Variants in ATP13A5 observed in about 807,000 individuals in gnomAD.
ATP13A5 encodes ATPase 13A5.
In ATP13A5, 149 loss-of-function variants were observed where a neutral mutation model predicts 150.2. That is an observed-to-expected ratio of 0.99 (90% CI 0.87 to 1.14). ATP13A5 has a LOEUF of 1.14. ATP13A5 is among the 50% of genes most tolerant of loss of function. The pLI, the probability that ATP13A5 is intolerant of heterozygous loss-of-function variation, is 0.00. For missense variants in ATP13A5, 1,383 were observed against 1,449.3 expected (o/e 0.95, Z 0.74); for synonymous variants, 497 against 522.2 (o/e 0.95, Z 0.66).
At position 193,321,690 on chromosome 3, in the gene ATP13A5, A is replaced by T. The variant is rs942574166; in HGVS notation, c.1906T>A (p.Ser636Thr). 2 of 1,614,130 alleles carry T rather than the reference A, an allele frequency of 1.2e-6. No individual in the cohort carries two copies. The highest frequency in any genetic ancestry group is 1.3e-5 in the African/African-American group (1 of 75,052). ...AGAAAAGTGTTAGTACCTGTTTCAG[A>T]TCTGCAGAACCTGGCCACCATTTCT... Reference protein sequence around the residue: ...APEMVARFCRSETVPKNFPQE... With the variant: ...APEMVARFCRTETVPKNFPQE... The change falls in exon 16 of 30, where the codon TCT becomes ACT. Residue 636 changes from serine to threonine, a missense_variant. Around this residue, in one of 3 missense-constraint regions of ATP13A5, gnomAD observed 787 missense variants for 771.9 expected, o/e 1.02. Coordinates refer to ENST00000342358, the MANE Select transcript of ATP13A5 (RefSeq NM_198505.4).
At chr3:193,299,260 T>C in intron 24 of ATP13A5, 57 bp from the exon 25 acceptor site, 1 of 1,383,492 alleles carries the variant, frequency 7.2e-7, no homozygotes, top group South Asian at 1.2e-5. Flanking sequence ...AGCCTATTTA[T>C]TATTCCCTAC....
At chr3:193,333,976 A>G (rs1711747328) in intron 10 of ATP13A5, 69 bp from the exon 11 acceptor site, 8 of 1,475,482 alleles carry the variant, frequency 5.4e-6, no homozygotes, top group Non-Finnish European at 7.4e-6. Flanking sequence ...AAATGGCTTT[A>G]CTGTCTTTGA....
In ATP13A5 at chr3:193,344,069, A is replaced by G; in HGVS notation, c.815-14T>C. ...GCTCCTCCAAACCTACACCAAAGCAAAGTTTCCATGAATAGCTGACCTTTT... is the reference window on the plus strand; with the variant it reads ...GCTCCTCCAAACCTACACCAAAGCAGAGTTTCCATGAATAGCTGACCTTTT... On this transcript the variant is annotated splice_polypyrimidine_tract_variant and intron_variant, in intron 8 of 29. Transcript: ENST00000342358. 2 of 1,610,136 alleles carry G rather than the reference A, an allele frequency of 1.2e-6. No individual in the cohort carries two copies. The highest frequency in any genetic ancestry group is 1.7e-6 in the Non-Finnish European group (2 of 1,178,286).
intron 1 of ATP13A5, among the ~76,000 whole-genome samples, chr3:193,372,008 T>A (rs1188950880): frequency 6.6e-6 from 1 of 151,690 alleles, no homozygotes; most frequent in African/African-American, 2.4e-5. Context: ...CCACAGATGA[T>A]TAGGAAGTTC....
At chr3:193,352,707 T>A (rs561991064) in intron 6 of ATP13A5, among the ~76,000 whole-genome samples, 37 of 152,186 alleles carry the variant, frequency 2.4e-4, no homozygotes, top group Non-Finnish European at 4.3e-4. Flanking sequence ...CCACCCAATT[T>A]TGCTATGAAC....
rs373260224 is a variant in ATP13A5 at position 193,351,162 on chromosome 3, T to G, written c.646A>C (p.Thr216Pro). ...ATGTAACCTTGAGACAGCCACAAAG[T>G]TAGGGTGAAGGCTTGGAACACATAG... Reference protein sequence around the residue: ...PFYVFQAFTLTLWLSQGYIEY... With the variant: ...PFYVFQAFTLPLWLSQGYIEY... The change falls in exon 7 of 30, where the codon ACT becomes CCT. Residue 216 changes from threonine to proline, a missense_variant. Thr to Pro is a conservative substitution (Grantham distance 38). Around this residue, in one of 3 missense-constraint regions of ATP13A5, gnomAD observed 787 missense variants for 771.9 expected, o/e 1.02. Transcript: ENST00000342358. The G allele has an allele frequency of 3.5e-5, 56 of 1,613,610 alleles. No individual in the cohort carries two copies. The highest frequency in any genetic ancestry group is 4.6e-5 in the Non-Finnish European group (54 of 1,179,756).
chr3:193,338,284 T>G (rs1049039821), intron 9 of ATP13A5, among the ~76,000 whole-genome samples: 2 of 152,172 alleles, frequency 1.3e-5, no homozygotes, highest in African/African-American at 4.8e-5. Flanking sequence ...ATAGGAGTGG[T>G]GAGAGAGGGC....
intron 22 of ATP13A5, chr3:193,307,045 A>G: frequency 1.1e-6 from 1 of 906,396 alleles, no homozygotes; most frequent in South Asian, 5.0e-5. Flanking sequence ...TTTAAAGCAG[A>G]TAGACTTGTA....
chr3:193,280,793 G>A (rs1717455155), intron 27 of ATP13A5, among the ~76,000 whole-genome samples: 1 of 152,132 alleles, frequency 6.6e-6, no homozygotes, highest in Admixed American at 6.5e-5. Flanking sequence ...TGATACAAAT[G>A]ATTCTGACAA....
chr3:193,360,389 C>T (rs573288055), intron 5 of ATP13A5, among the ~76,000 whole-genome samples: 14 of 152,262 alleles, frequency 9.2e-5, no homozygotes, highest in South Asian at 8.3e-4. Context: ...TGTGTATCCC[C>T]GTTCATTTCT....
At position 193,315,078 on chromosome 3, in the gene ATP13A5, C is replaced by T. The variant is rs754866642; in HGVS notation, c.2052G>A (p.Glu684=). Residue 684 remains glutamate, a synonymous_variant, in exon 18 of 30, where the codon GAG becomes GAA. Transcript: ENST00000342358. Reference sequence around the variant, plus strand: ...TGATGAGAAGTCCCAGAAATGTTAACTCTGACTCCACTTTTTCTCTTTGTA... The same window carrying T: ...TGATGAGAAGTCCCAGAAATGTTAATTCTGACTCCACTTTTTCTCTTTGTA... ...EHLAREKVES[E]LTFLGLLIME... is the part of the protein sequence containing the mutation. 15 of 1,613,236 alleles carry T rather than the reference C, an allele frequency of 9.3e-6. No individual in the cohort carries two copies. In the East Asian group the frequency reaches 1.3e-4, roughly 14 times the overall value.
At chr3:193,287,006 C>T (rs1010450387) in intron 26 of ATP13A5, among the ~76,000 whole-genome samples, 1 of 152,104 alleles carries the variant, frequency 6.6e-6, no homozygotes, top group African/African-American at 2.4e-5. Context: ...GGTAGTGGAT[C>T]AAACCAGTCA....
At chr3:193,327,860 T>A (rs1719523267) in intron 12 of ATP13A5, among the ~76,000 whole-genome samples, 2 of 152,238 alleles carry the variant, frequency 1.3e-5, no homozygotes, top group Non-Finnish European at 2.9e-5. Context: ...TACAGCTAGC[T>A]GCTTCAGCAC....
At chr3:193,298,396 T>G (rs1172244281) in intron 25 of ATP13A5, among the ~76,000 whole-genome samples, 3 of 152,142 alleles carry the variant, frequency 2.0e-5, no homozygotes, top group African/African-American at 7.2e-5. Context: ...ACTGATAAAT[T>G]CAGTCATTGG....
chr3:193,304,311 G>A (rs534607446), intron 23 of ATP13A5, among the ~76,000 whole-genome samples: 8 of 152,072 alleles, frequency 5.3e-5, no homozygotes, highest in South Asian at 2.1e-4. Flanking sequence ...GGAAGTGATC[G>A]TGTTTGAGGG....
chr3:193,327,064 A>G lies in ATP13A5; in HGVS notation c.1462-7T>C, dbSNP rs766156328. 6.2e-7 allele frequency: 1 copy of G among 1,602,694 alleles called. No homozygotes were observed. The highest frequency in any genetic ancestry group is 8.5e-7 in the Non-Finnish European group (1 of 1,177,142). ...CTTCAGTGAGAGTGCCAGTCTGAGTAAAAATTAAAAGCAATATTAGCATAA... is the reference window on the plus strand; with the variant it reads ...CTTCAGTGAGAGTGCCAGTCTGAGTGAAAATTAAAAGCAATATTAGCATAA... On this transcript the variant is annotated splice_region_variant and splice_polypyrimidine_tract_variant and intron_variant, in intron 12 of 29. Transcript: ENST00000342358.
At position 193,321,768 on chromosome 3, in the gene ATP13A5, T is replaced by C. The variant is rs778047794; in HGVS notation, c.1828A>G (p.Ile610Val). ...FSSSLQRMSV[I>V]AQLAGENHFH... ...TGATTCTCCCCAGCTAGCTGAGCGA[T>C]CACGGACATCCTCTGCAGGCTCGAG... Residue 610 changes from isoleucine to valine, a missense_variant, in exon 16 of 30, where the codon ATC becomes GTC. Transcript: ENST00000342358. 6.2e-7 allele frequency: 1 copy of C among 1,614,180 alleles called. No homozygotes were observed. The highest frequency in any genetic ancestry group is 8.5e-7 in the Non-Finnish European group (1 of 1,180,016).
intron 7 of ATP13A5, among the ~76,000 whole-genome samples, chr3:193,350,571 C>T (rs187390997): frequency 1.3e-5 from 2 of 151,732 alleles, no homozygotes; most frequent in African/African-American, 2.4e-5. Context: ...AAGATATACC[C>T]GAATATCAAA....
intron 27 of ATP13A5, 76 bp downstream of exon 27, chr3:193,284,838 C>T (rs1023681452): frequency 1.7e-6 from 2 of 1,184,038 alleles, no homozygotes; most frequent in African/African-American, 3.1e-5. Context: ...ATCATTTCAC[C>T]AGTGAGGTAC....
Sources: gnomAD v4.1 joint callset for allele counts (sites outside exome capture counted in the v4.1 genomes callset) on GRCh38, gnomAD v4.1.1 for gene constraint, gnomAD v4.1.1 regional missense constraint, MANE v1.5 for transcripts, NCBI Gene and HGNC (gene_info 2026-07-23, HGNC 2026-07-21) for gene names.